Variants in DOCK2 observed in about 807,000 individuals in gnomAD.
The protein encoded by DOCK2 is dedicator of cytokinesis protein 2.
In DOCK2, 87 loss-of-function variants were observed where a neutral mutation model predicts 248.9. The ratio of observed to expected loss-of-function variants is 0.35; its 90% CI spans 0.29 to 0.42. DOCK2 has a LOEUF of 0.42. Among genes scored for constraint, DOCK2 ranks in the 10% least tolerant of loss-of-function variants. The pLI, the probability that DOCK2 is intolerant of heterozygous loss-of-function variation, is 1.00. For missense variants in DOCK2, 1,747 were observed against 2,300.2 expected (o/e 0.76, Z 4.92); for synonymous variants, 805 against 821.6 (o/e 0.98, Z 0.35).
intron 38 of DOCK2, 132 bp from the exon 39 acceptor site, chr5:170,045,684 G>A: frequency 1.2e-6 from 1 of 840,904 alleles, no homozygotes; most frequent in East Asian, 2.5e-5. Flanking sequence ...CTCTGTATGG[G>A]GGTGGATCTG....
chr5:169,644,307 C>A (rs185161936), intron 1 of DOCK2, among the ~76,000 whole-genome samples: 11 of 152,138 alleles, frequency 7.2e-5, no homozygotes, highest in Non-Finnish European at 1.2e-4. Context: ...GGAGAGGGAC[C>A]AGTTAGGCAG....
At chr5:169,677,467 AC>A (rs1381265941) in intron 6 of DOCK2, among the ~76,000 whole-genome samples, 1 of 152,110 alleles carries the variant, frequency 6.6e-6, no homozygotes, top group Non-Finnish European at 1.5e-5. Flanking sequence ...TTAATAATAA[AC>A]CCCACCCCAA....
Position 169,912,460 on chromosome 5 carries a change from C to T in DOCK2, c.2800-70608C>T, listed in dbSNP as rs185243135. Among the ~76,000 whole-genome samples the T allele has an allele frequency of 8.5e-5, 13 of 152,254 alleles. No individual in the cohort carries two copies. The East Asian group carries it at 1.2e-3, about 14-fold the overall frequency. ...CCACACACAAATTCATCTTTTGGCA[C>T]GTGTATGTGTGTGTGCACATATGTG... On this transcript the variant is annotated intron_variant, in intron 27 of 51. Transcript: ENST00000520908.
intron 33 of DOCK2, among the ~76,000 whole-genome samples, chr5:170,020,312 G>A (rs1352531311): frequency 6.6e-6 from 1 of 152,122 alleles, no homozygotes; most frequent in Non-Finnish European, 1.5e-5. Context: ...ATCCTGCGAA[G>A]CCCATCCAAA....
chr5:169,724,045 G>A (rs1762345322), intron 22 of DOCK2, among the ~76,000 whole-genome samples: 1 of 152,214 alleles, frequency 6.6e-6, no homozygotes, highest in African/African-American at 2.4e-5. Context: ...ATAGCAGAGT[G>A]AGGCTTTGCA....
intron 25 of DOCK2, among the ~76,000 whole-genome samples, chr5:169,792,957 G>A (rs1469159775): frequency 6.6e-6 from 1 of 152,212 alleles, no homozygotes; most frequent in East Asian, 1.9e-4. Flanking sequence ...GCCAGCAGCT[G>A]CAGGCAAGTG....
At position 170,024,106 on chromosome 5, in the gene DOCK2, C is replaced by T. The variant is rs569758477; in HGVS notation, c.3382-3757C>T. Among the ~76,000 whole-genome samples, 45 of 152,298 alleles carry T rather than the reference C, an allele frequency of 3.0e-4. No homozygotes were observed. In the South Asian group the frequency reaches 8.9e-3, roughly 30 times the overall value. On this transcript the variant is annotated intron_variant, in intron 33 of 51. Coordinates refer to ENST00000520908, the MANE Select transcript of DOCK2 (RefSeq NM_004946.3). ...TCCTCCTTTCTCGATTAGAGCTTCT[C>T]AAGATTTGTATTGGGCCTCTGTAGA...
intron 26 of DOCK2, among the ~76,000 whole-genome samples, chr5:169,839,848 A>G (rs1439847146): frequency 3.3e-5 from 5 of 152,204 alleles, no homozygotes. Flanking sequence ...TCCAAGTGAC[A>G]GTGGCTTCCT....
At chr5:169,829,980 A>G (rs1295679677) in intron 26 of DOCK2, among the ~76,000 whole-genome samples, 2 of 152,182 alleles carry the variant, frequency 1.3e-5, no homozygotes, top group Admixed American at 1.3e-4. Context: ...CTCCTATTCT[A>G]TTGTGTGGAT....
chr5:169,941,782 G>A (rs938245997), intron 27 of DOCK2, among the ~76,000 whole-genome samples: 5 of 152,144 alleles, frequency 3.3e-5, no homozygotes, highest in African/African-American at 4.8e-5. Context: ...AATACCACAC[G>A]CTTTCTTGCA....
intron 30 of DOCK2, among the ~76,000 whole-genome samples, chr5:169,998,387 G>A (rs1289906622): frequency 6.6e-6 from 1 of 152,158 alleles, no homozygotes; most frequent in Non-Finnish European, 1.5e-5. Flanking sequence ...TTGCTGAGAG[G>A]ATGAACAGGA....
intron 8 of DOCK2, among the ~76,000 whole-genome samples, chr5:169,686,244 C>T (rs746814037): frequency 2.0e-5 from 3 of 152,176 alleles, no homozygotes; most frequent in Admixed American, 6.5e-5. Context: ...GCCTATGACA[C>T]ACAGCAGATC....
At chr5:169,907,489 T>C (rs1435583921) in intron 27 of DOCK2, among the ~76,000 whole-genome samples, 1 of 152,098 alleles carries the variant, frequency 6.6e-6, no homozygotes, top group African/African-American at 2.4e-5. Flanking sequence ...TTTTAGAAAG[T>C]CAAAGTAGTT....
chr5:169,826,126 T>G (rs1768838760), intron 26 of DOCK2, among the ~76,000 whole-genome samples: 2 of 152,318 alleles, frequency 1.3e-5, no homozygotes, highest in South Asian at 4.1e-4. Context: ...GTTCATTTTG[T>G]GTATTTATAC....
intron 27 of DOCK2, among the ~76,000 whole-genome samples, chr5:169,892,190 T>C (rs1050236814): frequency 2.0e-5 from 3 of 151,814 alleles, no homozygotes; most frequent in South Asian, 4.2e-4. Context: ...TTCTAGAAAA[T>C]GTAGGGGACT....
At chr5:169,888,670 G>A (rs1214566534) in intron 27 of DOCK2, among the ~76,000 whole-genome samples, 3 of 152,178 alleles carry the variant, frequency 2.0e-5, no homozygotes, top group African/African-American at 7.2e-5. Context: ...ACGTAGATGA[G>A]ACTCTTCCAC....
At chr5:169,741,557 T>G (rs1297869232) in intron 22 of DOCK2, among the ~76,000 whole-genome samples, 2 of 152,222 alleles carry the variant, frequency 1.3e-5, no homozygotes, top group Admixed American at 1.3e-4. Flanking sequence ...TGGTTCTTTT[T>G]GTAAAGTCAC....
chr5:170,015,911 C>G (rs1755523677), intron 32 of DOCK2, among the ~76,000 whole-genome samples: 1 of 150,140 alleles, frequency 6.7e-6, no homozygotes, highest in African/African-American at 2.5e-5. Context: ...TCCTTCTTTC[C>G]TTCCTTTCAC....
chr5:169,654,636 C>T lies in DOCK2; in HGVS notation c.127+150C>T, dbSNP rs1337553355. On this transcript the variant is annotated intron_variant, in intron 2 of 51. Coordinates refer to ENST00000520908, the MANE Select transcript of DOCK2 (RefSeq NM_004946.3). Reference sequence around the variant, plus strand: ...ACGCTAGTAATTAGAATTTACTAAACAGAAATGCTTTCTCATTTTAGGAAT... The same window carrying T: ...ACGCTAGTAATTAGAATTTACTAAATAGAAATGCTTTCTCATTTTAGGAAT... 4 of 746,068 alleles carry T rather than the reference C, an allele frequency of 5.4e-6. No homozygotes were observed. The African/African-American group carries it at 7.1e-5, about 13-fold the overall frequency. 46.2% of individuals were successfully genotyped at this position (746,068 alleles called of 1,614,324 possible).
Sources: gnomAD v4.1 joint callset for allele counts (sites outside exome capture counted in the v4.1 genomes callset) on GRCh38, gnomAD v4.1.1 for gene constraint, MANE v1.5 for transcripts, NCBI Gene and HGNC (gene_info 2026-07-23, HGNC 2026-07-21) for gene names.